Variants in ATP11B observed in about 807,000 individuals in gnomAD.
ATP11B encodes the protein ATPase phospholipid transporting 11B (putative).
ATP11B carries 81 observed loss-of-function variants against 157.8 expected under a neutral mutation model. That is an observed-to-expected ratio of 0.51 (90% CI 0.43 to 0.62). The LOEUF (loss-of-function observed/expected upper bound fraction) is 0.62, where lower values mean the gene tolerates loss of function less well. Among genes scored for constraint, ATP11B ranks in the 20% least tolerant of loss-of-function variants. The pLI is 0.00. For missense variants in ATP11B, 1,165 were observed against 1,402.2 expected (o/e 0.83, Z 2.70); for synonymous variants, 451 against 469.4 (o/e 0.96, Z 0.51).
At chr3:182,855,038 G>T (rs904490851) in intron 10 of ATP11B, among the ~76,000 whole-genome samples, 1 of 152,154 alleles carries the variant, frequency 6.6e-6, no homozygotes, top group South Asian at 2.1e-4. Flanking sequence ...AAAAATCTCA[G>T]CAAGTTTTTT....
intron 28 of ATP11B, among the ~76,000 whole-genome samples, chr3:182,903,006 T>C (rs1281792004): frequency 1.3e-5 from 2 of 152,168 alleles, no homozygotes; most frequent in East Asian, 1.9e-4. Context: ...GTTTGTGTAT[T>C]GTAATGGCTG....
intron 15 of ATP11B, among the ~76,000 whole-genome samples, chr3:182,868,402 T>C (rs1721403857): frequency 6.6e-6 from 1 of 150,756 alleles, no homozygotes; most frequent in Non-Finnish European, 1.5e-5. Context: ...GCTTATTTTA[T>C]CAACTTATAA....
At chr3:182,802,825 CA>C in intron 1 of ATP11B, among the ~76,000 whole-genome samples, 1 of 152,146 alleles carries the variant, frequency 6.6e-6, no homozygotes, top group East Asian at 1.9e-4. Flanking sequence ...CTCCATTTAA[CA>C]AAAGCCATTT....
chr3:182,896,077 T>G (rs1723531037), intron 25 of ATP11B, among the ~76,000 whole-genome samples: 1 of 152,234 alleles, frequency 6.6e-6, no homozygotes, highest in Non-Finnish European at 1.5e-5. Context: ...TGTATTCTTG[T>G]AGAGATAAAA....
chr3:182,865,341 A>G (rs1188068109), intron 12 of ATP11B, 115 bp from the exon 13 acceptor site: 1 of 931,868 alleles, frequency 1.1e-6, no homozygotes, highest in Non-Finnish European at 1.6e-6. Context: ...GCATCCATAT[A>G]TCAATATTAA....
At chr3:182,848,925 G>C (rs1175863368) in intron 10 of ATP11B, among the ~76,000 whole-genome samples, 2 of 152,208 alleles carry the variant, frequency 1.3e-5, no homozygotes, top group Non-Finnish European at 2.9e-5. Context: ...AAAGATGATA[G>C]CAGCAAGGGG....
intron 29 of ATP11B, chr3:182,914,992 C>T: frequency 1.0e-6 from 1 of 985,094 alleles, no homozygotes; most frequent in Non-Finnish European, 1.2e-6. Context: ...TCTACATGTG[C>T]CAGGGCTTGG....
At chr3:182,914,813 G>C in intron 29 of ATP11B, 1 of 985,306 alleles carries the variant, frequency 1.0e-6, no homozygotes, top group Non-Finnish European at 1.2e-6. Context: ...ACTATTTAGA[G>C]GATGTTAGGG....
intron 9 of ATP11B, among the ~76,000 whole-genome samples, chr3:182,848,082 C>A (rs1719672861): frequency 2.6e-5 from 4 of 152,210 alleles, no homozygotes; most frequent in Admixed American, 2.6e-4. Flanking sequence ...CACACTGTGG[C>A]CATAGTCCAT....
intron 10 of ATP11B, among the ~76,000 whole-genome samples, chr3:182,849,764 A>G (rs992212317): frequency 7.2e-5 from 11 of 152,192 alleles, no homozygotes; most frequent in Admixed American, 1.3e-4. Context: ...GTGGGATAAT[A>G]TTAAGCTGTT....
chr3:182,826,437 A>G (rs1425906610), intron 2 of ATP11B, among the ~76,000 whole-genome samples: 1 of 152,186 alleles, frequency 6.6e-6, no homozygotes, highest in African/African-American at 2.4e-5. Flanking sequence ...CTTATAAAGT[A>G]TTATACATTT....
chr3:182,880,309 T>C (rs1722330839), intron 20 of ATP11B, among the ~76,000 whole-genome samples: 2 of 152,212 alleles, frequency 1.3e-5, no homozygotes, highest in South Asian at 4.1e-4. Flanking sequence ...CTTCCTGGAA[T>C]TTTGTTACAG....
In ATP11B at chr3:182,866,403, T is replaced by A. The variant is rs1451989299; in HGVS notation, c.1579T>A (p.Ser527Thr). ...ACCATCGCAGTTGGAGTACTATGCATCTTCACCAGATGAAAAGGCTCTAGT... is the reference window on the plus strand; with the variant it reads ...ACCATCGCAGTTGGAGTACTATGCAACTTCACCAGATGAAAAGGCTCTAGT... ...LAPSQLEYYASSPDEKALVEA... is the reference protein window; with the variant it reads ...LAPSQLEYYATSPDEKALVEA... The change falls in exon 14 of 30, where the codon TCT becomes ACT. Residue 527 changes from serine to threonine, a missense_variant. By Grantham distance (58) the Ser-to-Thr change is moderately conservative (BLOSUM62 1). This residue lies in a region of ATP11B where 737 missense variants were observed against 930.5 expected (regional missense o/e 0.79). Coordinates refer to ENST00000323116, the MANE Select transcript of ATP11B (RefSeq NM_014616.3). The A allele has an allele frequency of 6.2e-7, 1 of 1,612,494 alleles. No individual in the cohort carries two copies. Among genetic ancestry groups the A allele is most frequent in the Non-Finnish European group, 8.5e-7 (1 of 1,179,094 alleles).
At chr3:182,833,760 T>C (rs1302645995) in intron 4 of ATP11B, 1 of 152,150 alleles carries the variant, frequency 6.6e-6, no homozygotes, top group Non-Finnish European at 1.5e-5. Flanking sequence ...GGAGGAAATA[T>C]TATTGAGTTT....
intron 1 of ATP11B, among the ~76,000 whole-genome samples, chr3:182,810,803 G>C (rs939711843): frequency 1.3e-5 from 2 of 152,220 alleles, no homozygotes; most frequent in Non-Finnish European, 2.9e-5. Flanking sequence ...TAACTTGAGA[G>C]ATAGTGAATA....
Position 182,842,061 on chromosome 3 carries a change from G to T in ATP11B, c.657-14G>T. The T allele has an allele frequency of 6.3e-7, 1 of 1,577,350 alleles. No homozygotes were observed. The highest frequency in any genetic ancestry group is 8.7e-7 in the Non-Finnish European group (1 of 1,151,534). On this transcript the variant is annotated splice_polypyrimidine_tract_variant and intron_variant, in intron 7 of 29. Transcript: ENST00000323116. ...GTGATATTATATGTTTTTGTAATGT[G>T]AATTTTTTGATAGATTCATGGGACG...
rs749655396 is a variant in ATP11B at position 182,914,046 on chromosome 3, A to G, written c.3452+52A>G. On this transcript the variant is annotated intron_variant, in intron 29 of 29. Coordinates refer to ENST00000323116, the MANE Select transcript of ATP11B (RefSeq NM_014616.3). The stretch of plus-strand genomic sequence containing the variant: ...GCTGCAGATGAGTATCCTATCTGGA[A>G]CAGGATGAACCTGCCGCTCTAGATA... 19 of 1,606,538 alleles carry G rather than the reference A, an allele frequency of 1.2e-5. No individual in the cohort carries two copies. In the Admixed American group the frequency reaches 3.3e-4, roughly 28 times the overall value.
At chr3:182,817,605 T>G (rs1717047758) in intron 1 of ATP11B, among the ~76,000 whole-genome samples, 1 of 152,216 alleles carries the variant, frequency 6.6e-6, no homozygotes, top group Non-Finnish European at 1.5e-5. Context: ...TATATCCCTT[T>G]GAAATAATTA....
At chr3:182,834,726 C>T (rs1036534991) in intron 4 of ATP11B, among the ~76,000 whole-genome samples, 1 of 152,120 alleles carries the variant, frequency 6.6e-6, no homozygotes, top group African/African-American at 2.4e-5. Flanking sequence ...GTGTCTGTTT[C>T]CTTCCTAGTG....
Sources: gnomAD v4.1 joint callset for allele counts (sites outside exome capture counted in the v4.1 genomes callset) on GRCh38, gnomAD v4.1.1 for gene constraint, gnomAD v4.1.1 regional missense constraint, MANE v1.5 for transcripts, NCBI Gene and HGNC (gene_info 2026-07-23, HGNC 2026-07-21) for gene names.